Variants in FARS2 observed in about 807,000 individuals in gnomAD.
The protein encoded by FARS2 is phenylalanyl-tRNA synthetase 2, mitochondrial.
FARS2 carries 40 observed loss-of-function variants against 46.4 expected under a neutral mutation model. The ratio of observed to expected loss-of-function variants is 0.86; its 90% confidence interval spans 0.67 to 1.12. The LOEUF (loss-of-function observed/expected upper bound fraction) is 1.12. FARS2 is among the 50% of genes most tolerant of loss of function. The pLI is 0.00. For missense variants in FARS2, 513 were observed against 567.9 expected (o/e 0.90, Z 0.98); for synonymous variants, 234 against 214.9 (o/e 1.09, Z -0.78).
intron 4 of FARS2, among the ~76,000 whole-genome samples, chr6:5,472,422 G>A (rs1419612377): frequency 3.3e-5 from 5 of 152,154 alleles, no homozygotes; most frequent in African/African-American, 1.2e-4. Context: ...TGAGAGCAAA[G>A]GGGAATGAGA....
intron 4 of FARS2, among the ~76,000 whole-genome samples, chr6:5,462,687 T>C (rs1416156623): frequency 1.3e-5 from 2 of 152,236 alleles, no homozygotes; most frequent in Non-Finnish European, 2.9e-5. Flanking sequence ...AAAATCTGTA[T>C]ATAGAACTGT....
upstream of FARS2, among the ~76,000 whole-genome samples, chr6:5,256,730 C>T (rs1174915309): frequency 6.6e-6 from 1 of 152,046 alleles, no homozygotes; most frequent in African/African-American, 2.4e-5. Context: ...ACTACCTCTG[C>T]TGGGCATCCC....
intron 3 of FARS2, among the ~76,000 whole-genome samples, chr6:5,408,644 C>T (rs1019876817): frequency 2.0e-5 from 3 of 151,764 alleles, no homozygotes; most frequent in South Asian, 2.1e-4. Flanking sequence ...AACAAGATAA[C>T]GTGAAAGATG....
intron 5 of FARS2, among the ~76,000 whole-genome samples, chr6:5,577,126 T>C (rs191354650): frequency 1.2e-4 from 19 of 152,244 alleles, no homozygotes; most frequent in Admixed American, 1.2e-3. Context: ...TTTAAAATAA[T>C]GGTGTGGGTG....
At chr6:5,476,524 T>C (rs1766132087) in intron 4 of FARS2, among the ~76,000 whole-genome samples, 1 of 145,422 alleles carries the variant, frequency 6.9e-6, no homozygotes, top group Non-Finnish European at 1.5e-5. Context: ...GACCAATAAA[T>C]AGTTATTGGA....
At chr6:5,606,422 C>G (rs1206494996) in intron 5 of FARS2, among the ~76,000 whole-genome samples, 2 of 151,886 alleles carry the variant, frequency 1.3e-5, no homozygotes, top group African/African-American at 4.8e-5. Flanking sequence ...TGTGTCCTAC[C>G]AAATTATTAA....
intron 3 of FARS2, among the ~76,000 whole-genome samples, chr6:5,423,283 G>A (rs1762660477): frequency 6.6e-6 from 1 of 151,974 alleles, no homozygotes. Flanking sequence ...GAGCACGGGA[G>A]TGATCACTTA....
chr6:5,473,404 G>C (rs896913297), intron 4 of FARS2, among the ~76,000 whole-genome samples: 7 of 152,028 alleles, frequency 4.6e-5, no homozygotes, highest in African/African-American at 1.7e-4. Flanking sequence ...GCGTGTGCCT[G>C]TAGTCCCCGC....
rs77923675 is a variant in FARS2 at position 5,423,273 on chromosome 6, G to A, written c.773-7768G>A. On this transcript the variant is annotated intron_variant, in intron 3 of 6. Coordinates refer to ENST00000274680, the MANE Select transcript of FARS2 (RefSeq NM_006567.5). Reference sequence around the variant, plus strand: ...ACTGTCCCCTCTGCTGCTTGATAGAGAGCACGGGAGTGATCACTTACCCTG... The same window carrying A: ...ACTGTCCCCTCTGCTGCTTGATAGAAAGCACGGGAGTGATCACTTACCCTG... Among the ~76,000 whole-genome samples, 403 of 152,102 alleles carry A rather than the reference G, an allele frequency of 2.6e-3. 3 individuals are homozygous for A. Among genetic ancestry groups the A allele is most frequent in the Non-Finnish European group, 4.5e-3 (303 of 68,012 alleles).
chr6:5,400,346 CCT>C (rs1222905519), intron 2 of FARS2, among the ~76,000 whole-genome samples: 1 of 151,642 alleles, frequency 6.6e-6, no homozygotes, highest in Non-Finnish European at 1.5e-5. Flanking sequence ...AGTGGTATTA[CCT>C]CTTTGTGGTG....
intron 1 of FARS2, among the ~76,000 whole-genome samples, chr6:5,289,729 G>A (rs1011010278): frequency 1.3e-5 from 2 of 152,236 alleles, no homozygotes; most frequent in African/African-American, 4.8e-5. Context: ...CCTGTGACCA[G>A]TCTGATTTGT....
intron 4 of FARS2, among the ~76,000 whole-genome samples, chr6:5,520,972 G>C (rs1435146216): frequency 6.6e-6 from 1 of 152,106 alleles, no homozygotes; most frequent in Non-Finnish European, 1.5e-5. Context: ...CTTTTGACAG[G>C]TGTTGTTTAA....
intron 3 of FARS2, among the ~76,000 whole-genome samples, chr6:5,409,673 C>A (rs978991325): frequency 3.3e-5 from 5 of 152,188 alleles, no homozygotes; most frequent in Non-Finnish European, 7.3e-5. Flanking sequence ...AAAAATCCAC[C>A]TGCTTGGATA....
At chr6:5,454,167 T>C (rs1764680389) in intron 4 of FARS2, among the ~76,000 whole-genome samples, 1 of 149,602 alleles carries the variant, frequency 6.7e-6, no homozygotes. Flanking sequence ...CTTTTATCAG[T>C]GCCATTTGGG....
At chr6:5,739,423 T>A (rs926577303) in intron 6 of FARS2, among the ~76,000 whole-genome samples, 21 of 152,134 alleles carry the variant, frequency 1.4e-4, no homozygotes, top group Non-Finnish European at 3.1e-4. Flanking sequence ...AACACCTGCC[T>A]GTTGTTTGAC....
At chr6:5,612,349 C>T (rs1775234259) in intron 5 of FARS2, among the ~76,000 whole-genome samples, 1 of 152,116 alleles carries the variant, frequency 6.6e-6, no homozygotes, top group Admixed American at 6.5e-5. Flanking sequence ...CAGATATTTC[C>T]TTAGGATTTC....
At chr6:5,282,406 A>G (rs1766796455) in intron 1 of FARS2, among the ~76,000 whole-genome samples, 1 of 152,202 alleles carries the variant, frequency 6.6e-6, no homozygotes, top group South Asian at 2.1e-4. Flanking sequence ...GGCGGACACC[A>G]GGGGAAGCGC....
At chr6:5,381,406 T>TAC (rs773053847) in intron 2 of FARS2, among the ~76,000 whole-genome samples, 29,036 of 115,244 alleles carry the variant, frequency 0.25, 2,796 homozygotes, top group African/African-American at 0.31. Flanking sequence ...CACACACACA[T>TAC]ACACACACAC....
upstream of FARS2, chr6:5,260,916 C>T (rs1765056151): frequency 7.3e-7 from 1 of 1,370,550 alleles, no homozygotes. Context: ...GCCAGGCGTC[C>T]CGCGCCGCTT....
Sources: allele counts gnomAD v4.1 joint callset (sites outside exome capture counted in the v4.1 genomes callset), GRCh38; gene constraint gnomAD v4.1.1; transcripts MANE v1.5; gene names NCBI Gene and HGNC (gene_info 2026-07-23, HGNC 2026-07-21).